The following MYH10 variants were observed in gnomAD, a reference collection of about 807,000 sequenced individuals.
The protein encoded by MYH10 is myosin-10.
Under a neutral mutation model 257.8 loss-of-function variants are expected in MYH10, and 55 were observed. That is an observed-to-expected ratio of 0.21 (90% CI 0.17 to 0.27). The LOEUF is 0.27. Ranked by LOEUF, MYH10 falls within the 10% of genes least tolerant of loss-of-function variation. The probability of loss-of-function intolerance (pLI) is 1.00; values close to 1 mark genes in which losing one functional copy is unlikely to be tolerated. For missense variants in MYH10, 1,631 were observed against 2,500.6 expected (o/e 0.65, Z 7.42); for synonymous variants, 854 against 921.7 (o/e 0.93, Z 1.33).
chr17:8,480,291 C>T lies in MYH10; in HGVS notation c.5416G>A (p.Ala1806Thr), dbSNP rs1181769839. ...CTCTTCTGGGCGGCGCTGCGCTCGG[C>T]TGCTAGCTCGGCGTTCAGTGTGTCC... Reference protein sequence around the residue: ...QVDTLNAELAAERSAAQKSDN... With the variant: ...QVDTLNAELATERSAAQKSDN... The change falls in exon 40 of 43, where the codon GCC (alanine) becomes ACC (threonine). Residue 1806 changes from alanine (A) to threonine (T), a missense_variant. Physicochemically the swap from Ala to Thr is moderately conservative, Grantham distance 58. Coordinates refer to ENST00000360416, the MANE Select transcript of MYH10 (RefSeq NM_001256012.3). The T allele has an allele frequency of 6.2e-7, 1 of 1,614,022 alleles. No homozygotes were observed. The highest frequency in any genetic ancestry group is 1.1e-5 in the South Asian group (1 of 91,090).
Position 8,508,650 on chromosome 17 carries a change from C to A in MYH10, c.3118G>T (p.Ala1040Ser). 6.2e-7 allele frequency: 1 copy of A among 1,614,044 alleles called. No individual in the cohort carries two copies. Among genetic ancestry groups the A allele is most frequent in the South Asian group, 1.1e-5 (1 of 91,068 alleles). Residue 1040 changes from alanine (A) to serine (S), a missense_variant, in exon 26 of 43, where the codon GCT becomes TCT. Ala to Ser is a moderately conservative substitution (Grantham distance 99, BLOSUM62 1). This residue lies in a region of MYH10 where 169 missense variants were observed against 249.8 expected (regional missense o/e 0.68). Coordinates refer to ENST00000360416, the MANE Select transcript of MYH10 (RefSeq NM_001256012.3). The stretch of plus-strand genomic sequence containing the variant: ...TCAGCCAGCTGAGAGGAACACTCAG[C>A]AATGCGATCTTCCATGAGTTTCTTT... ...KEKKLMEDRIAECSSQLAEEE... is the reference protein window; with the variant it reads ...KEKKLMEDRISECSSQLAEEE...
intron 14 of MYH10, among the ~76,000 whole-genome samples, chr17:8,540,331 A>T (rs2082259508): frequency 2.6e-5 from 4 of 152,060 alleles, no homozygotes; most frequent in Non-Finnish European, 5.9e-5. Context: ...GTTGGTTATT[A>T]GGGTTGAAAT....
chr17:8,499,317 C>T lies in MYH10; in HGVS notation c.3904G>A (p.Gly1302Ser). 9.9e-6 allele frequency: 16 copies of T among 1,614,114 alleles called. No homozygotes were observed. Among genetic ancestry groups the T allele is most frequent in the Non-Finnish European group, 1.4e-5 (16 of 1,180,026 alleles). Residue 1302 changes from glycine to serine, a missense_variant, in exon 30 of 43, where the codon GGC becomes AGC. Physicochemically the swap from Gly to Ser is moderately conservative, Grantham distance 56. Transcript: ENST00000360416. ...VQELHAKVSEGDRLRVELAEK... is the reference protein window; with the variant it reads ...VQELHAKVSESDRLRVELAEK... ...GCCAGCTCCACCCTGAGCCTGTCGCCTTCAGAGACCTTGGCATGGAGCTCC... is the reference window on the plus strand; with the variant it reads ...GCCAGCTCCACCCTGAGCCTGTCGCTTTCAGAGACCTTGGCATGGAGCTCC...
chr17:8,562,627 T>C (rs1180070398), intron 7 of MYH10, among the ~76,000 whole-genome samples: 5 of 152,252 alleles, frequency 3.3e-5, no homozygotes, highest in East Asian at 1.9e-4. Context: ...AACAAAAGCA[T>C]GGAAAACCCC....
At chr17:8,589,902 T>C (rs910316032) in intron 3 of MYH10, among the ~76,000 whole-genome samples, 2 of 152,168 alleles carry the variant, frequency 1.3e-5, no homozygotes, top group East Asian at 3.8e-4. Context: ...TGAGAAAATG[T>C]TCCTCAGGGA....
chr17:8,630,719 C>G lies in MYH10; in HGVS notation c.-97G>C, dbSNP rs1426197266. On this transcript the variant is annotated 5_prime_UTR_variant, in exon 1 of 43. Coordinates refer to ENST00000360416, the MANE Select transcript of MYH10 (RefSeq NM_001256012.3). ...GCGACCACAGATCCAGCGCCTCAGT[C>G]CCAAACCCACCGCTGCCTCCGCCGG... is the stretch of plus-strand genomic sequence containing the variant. 1 of 152,926 alleles carries G rather than the reference C, an allele frequency of 6.5e-6. No individual in the cohort carries two copies. The highest frequency in any genetic ancestry group is 1.9e-4 in the East Asian group (1 of 5,136). 9.5% of individuals were successfully genotyped at this position (152,926 alleles called of 1,614,324 possible).
chr17:8,584,234 G>T (rs1243921297), intron 4 of MYH10, among the ~76,000 whole-genome samples: 1 of 152,170 alleles, frequency 6.6e-6, no homozygotes, highest in Non-Finnish European at 1.5e-5. Context: ...GGTTACCTGG[G>T]GAACTATGGG....
At position 8,512,585 on chromosome 17, in the gene MYH10, T is replaced by C; in HGVS notation, c.2818A>G (p.Met940Val). Residue 940 changes from methionine (M) to valine (V), a missense_variant, in exon 24 of 43, where the codon ATG becomes GTG. Met to Val is a conservative substitution (Grantham distance 21). Around this residue, in one of 11 missense-constraint regions of MYH10, gnomAD observed 116 missense variants for 221.6 expected, o/e 0.52. Transcript: ENST00000360416. ...ETELFAEAEE[M>V]RARLAAKKQE... ...TTTTTAGCAGCAAGTCTTGCCCTCA[T>C]CTCTTCTGCTTCAGCAAAGAGCTCA... The C allele has an allele frequency of 6.2e-7, 1 of 1,613,664 alleles. No individual in the cohort carries two copies. The highest frequency in any genetic ancestry group is 8.5e-7 in the Non-Finnish European group (1 of 1,179,974).
chr17:8,483,281 C>CT (rs1283448485), intron 37 of MYH10, among the ~76,000 whole-genome samples: 3 of 152,054 alleles, frequency 2.0e-5, no homozygotes, highest in African/African-American at 7.3e-5. Flanking sequence ...AGCTGATGAG[C>CT]TAAGTGTCCA....
chr17:8,478,628 C>T (rs1913114389), intron 40 of MYH10, among the ~76,000 whole-genome samples, 182 bp from the exon 41 acceptor site: 1 of 152,212 alleles, frequency 6.6e-6, no homozygotes, highest in Non-Finnish European at 1.5e-5. Flanking sequence ...TCAGAATTGC[C>T]TTTAATGTAT....
intron 37 of MYH10, among the ~76,000 whole-genome samples, 196 bp downstream of exon 37, chr17:8,483,942 G>A (rs572991150): frequency 2.0e-5 from 3 of 152,310 alleles, no homozygotes; most frequent in Non-Finnish European, 4.4e-5. Flanking sequence ...CAGTGTCGAA[G>A]TGATAACTTT....
At chr17:8,572,453 T>C (rs2083381923) in intron 6 of MYH10, among the ~76,000 whole-genome samples, 1 of 152,198 alleles carries the variant, frequency 6.6e-6, no homozygotes, top group Admixed American at 6.5e-5. Flanking sequence ...TGTGAGGACA[T>C]TTTTTGCTTA....
At position 8,513,786 on chromosome 17, in the gene MYH10, C is replaced by T; in HGVS notation, c.2613G>A (p.Lys871=). ...CTGGAAAGAAGTGAGCCAAGCTCAC[C>T]TTTGTGAAGACTCGCCACCACTGCC... ...RHWQWWRVFT[K]VKPLLQVTRQ... The change falls in exon 22 of 43, where the codon AAG becomes AAA. Residue 871 remains lysine (K), a splice_region_variant and synonymous_variant. Transcript: ENST00000360416. The T allele has an allele frequency of 6.2e-7, 1 of 1,613,970 alleles. No homozygotes were observed. Among genetic ancestry groups the T allele is most frequent in the South Asian group, 1.1e-5 (1 of 91,040 alleles).
Position 8,490,163 on chromosome 17 carries a change from A to G in MYH10, c.4884+177T>C. The G allele has an allele frequency of 1.7e-6, 1 of 594,080 alleles. No individual in the cohort carries two copies. Among genetic ancestry groups the G allele is most frequent in the Non-Finnish European group, 2.9e-6 (1 of 340,852 alleles). 36.8% of individuals were successfully genotyped at this position (594,080 alleles called of 1,614,324 possible). A position where few individuals can be genotyped will look rare whatever the true frequency, so the allele number is the denominator to read the frequency against. On this transcript the variant is annotated intron_variant, in intron 35 of 42. Coordinates refer to ENST00000360416, the MANE Select transcript of MYH10 (RefSeq NM_001256012.3). This position sits in a 1 kb window ranked among gnomAD's most constrained non-coding sequence, Gnocchi z 4.1. ...ACTGAGAAATAGTAAGACCTAAACTAATTACAATAAAATTTAAATAATAAA... is the reference window on the plus strand; with the variant it reads ...ACTGAGAAATAGTAAGACCTAAACTGATTACAATAAAATTTAAATAATAAA...
intron 14 of MYH10, among the ~76,000 whole-genome samples, chr17:8,539,992 T>C (rs964156137): frequency 2.0e-5 from 3 of 152,166 alleles, no homozygotes; most frequent in Non-Finnish European, 2.9e-5. Context: ...ACTTCACTTA[T>C]TTATTTTTTT....
chr17:8,538,299 G>T (rs1295451732), intron 14 of MYH10, among the ~76,000 whole-genome samples: 1 of 152,122 alleles, frequency 6.6e-6, no homozygotes, highest in Non-Finnish European at 1.5e-5. Context: ...TCCACCTCCC[G>T]GCTTCAAGCG....
chr17:8,501,077 C>G, intron 28 of MYH10, 107 bp from the exon 29 acceptor site: 2 of 1,190,412 alleles, frequency 1.7e-6, no homozygotes, highest in South Asian at 1.5e-5. Context: ...CATAAATTCC[C>G]TTAATAAATA....
At chr17:8,528,358 C>T (rs1029580278) in intron 17 of MYH10, among the ~76,000 whole-genome samples, 15 of 152,168 alleles carry the variant, frequency 9.9e-5, no homozygotes, top group Non-Finnish European at 2.1e-4. Context: ...GTTCACTCTG[C>T]TTGCATCTTC....
chr17:8,542,028 A>G, intron 14 of MYH10, 79 bp downstream of exon 14: 1 of 1,390,424 alleles, frequency 7.2e-7, no homozygotes, highest in Non-Finnish European at 9.7e-7. Flanking sequence ...AGACTGGGTA[A>G]TTTCTGTCTT....
Sources: gnomAD v4.1 joint callset for allele counts (sites outside exome capture counted in the v4.1 genomes callset) on GRCh38, gnomAD v4.1.1 for gene constraint, gnomAD v4.1.1 regional missense constraint, Gnocchi (gnomAD v3.1) non-coding constraint, MANE v1.5 for transcripts, NCBI Gene and HGNC (gene_info 2026-07-23, HGNC 2026-07-21) for gene names.